COL26A1: variants seen among roughly 807,000 people sequenced by gnomAD.
COL26A1 encodes the protein collagen type XXVI alpha 1 chain, also known as collagen alpha-1(XXVI) chain.
Under a neutral mutation model 59.3 loss-of-function variants are expected in COL26A1, and 41 were observed. That is an observed-to-expected ratio of 0.69 (90% confidence interval 0.54 to 0.90). COL26A1 has a LOEUF of 0.90. COL26A1 is among the 40% of genes least tolerant of loss of function. COL26A1 has a pLI of 0.00. For missense variants in COL26A1, 612 were observed against 602.3 expected, an observed-to-expected ratio of 1.02 and a Z score of -0.17; for synonymous variants, 266 against 256.0, an observed-to-expected ratio of 1.04 and a Z score of -0.37.
intron 2 of COL26A1, among the ~76,000 whole-genome samples, chr7:101,435,778 G>A (rs1792900504): frequency 6.6e-6 from 1 of 152,116 alleles, no homozygotes; most frequent in Non-Finnish European, 1.5e-5. Context: ...TGTCTCCCAG[G>A]CCCCTCGGAG....
At chr7:101,397,752 G>A (rs1428215179) in intron 1 of COL26A1, among the ~76,000 whole-genome samples, 1 of 152,066 alleles carries the variant, frequency 6.6e-6, no homozygotes, top group African/African-American at 2.4e-5. Flanking sequence ...TGCCCAGGCT[G>A]GTCTCGAACT....
At chr7:101,549,435 G>T (rs1795814521) in intron 9 of COL26A1, among the ~76,000 whole-genome samples, 1 of 152,160 alleles carries the variant, frequency 6.6e-6, no homozygotes, top group South Asian at 2.1e-4. Context: ...AGGCTGGAGT[G>T]CAGTGGCGCC....
At chr7:101,387,229 TGAG>T (rs1791599068) in intron 1 of COL26A1, among the ~76,000 whole-genome samples, 1 of 151,818 alleles carries the variant, frequency 6.6e-6, no homozygotes, top group Admixed American at 6.6e-5. Flanking sequence ...CCAAGAATTA[TGAG>T]AAGAGTTGGG....
chr7:101,435,136 C>A (rs1792885009), intron 2 of COL26A1, among the ~76,000 whole-genome samples: 1 of 152,068 alleles, frequency 6.6e-6, no homozygotes, highest in Non-Finnish European at 1.5e-5. Flanking sequence ...ACCAGCCTGG[C>A]CAACATAGTG....
Position 101,448,997 on chromosome 7 carries a change from G to A in COL26A1, c.385+1210G>A, listed in dbSNP as rs370150121. 7.9e-5 allele frequency among the ~76,000 whole-genome samples: 12 copies of A among 152,352 alleles called. No individual in the cohort carries two copies. The East Asian group carries it at 2.3e-3, about 29-fold the overall frequency. The stretch of plus-strand genomic sequence containing the variant: ...GAGACTCTGACAATTGCTTCAGGGG[G>A]CCTCTGGCCCACAGCAGAGCTGAAG... On this transcript the variant is annotated intron_variant, in intron 3 of 12. Transcript: ENST00000313669.
intron 3 of COL26A1, among the ~76,000 whole-genome samples, chr7:101,463,869 T>TTTTCTTTTCTTTC (rs1554416085): frequency 2.2e-5 from 2 of 91,732 alleles, no homozygotes; most frequent in East Asian, 6.0e-4. Context: ...CTCTTTTTTC[T>TTTTCTTTTCTTTC]TTTCTTTCTT....
intron 1 of COL26A1, among the ~76,000 whole-genome samples, chr7:101,374,742 A>G (rs1791269855): frequency 6.6e-6 from 1 of 152,168 alleles, no homozygotes; most frequent in African/African-American, 2.4e-5. Context: ...ATTATATATT[A>G]CAATGTCATA....
chr7:101,452,529 A>C (rs902987750), intron 3 of COL26A1, among the ~76,000 whole-genome samples: 2 of 152,182 alleles, frequency 1.3e-5, no homozygotes, highest in African/African-American at 4.8e-5. Context: ...TGAGAAATGC[A>C]TCATTGGAAG....
At chr7:101,534,107 TATCTACAAAG>T (rs2130642082) in intron 4 of COL26A1, among the ~76,000 whole-genome samples, 1 of 152,210 alleles carries the variant, frequency 6.6e-6, no homozygotes, top group East Asian at 1.9e-4. Flanking sequence ...AGCCTCCAAA[TATCTACAAAG>T]CCTCTTGGGA....
At chr7:101,403,044 G>C (rs6969765) in intron 1 of COL26A1, among the ~76,000 whole-genome samples, 30,924 of 151,632 alleles carry the variant, frequency 0.2, 3,384 homozygotes, top group Non-Finnish European at 0.24. Context: ...GGGTCTCGCT[G>C]TATTGCCCAG....
intron 3 of COL26A1, among the ~76,000 whole-genome samples, chr7:101,483,228 C>T (rs1197062419): frequency 3.3e-5 from 5 of 150,696 alleles, no homozygotes; most frequent in African/African-American, 4.9e-5. Context: ...GACAGAGTCT[C>T]GCTCTGTCAC....
At chr7:101,461,119 G>A (rs932737099) in intron 3 of COL26A1, among the ~76,000 whole-genome samples, 23 of 152,176 alleles carry the variant, frequency 1.5e-4, no homozygotes, top group South Asian at 1.2e-3. Context: ...GGGACCACAG[G>A]TGCACCACAC....
intron 3 of COL26A1, among the ~76,000 whole-genome samples, chr7:101,481,450 AT>A (rs1377717043): frequency 5.0e-3 from 302 of 60,982 alleles, no homozygotes; most frequent in Non-Finnish European, 0.011. Context: ...CTCCCAAAAT[AT>A]ATATATATAT....
At chr7:101,525,686 CG>C (rs1447455071) in intron 3 of COL26A1, among the ~76,000 whole-genome samples, 1 of 151,520 alleles carries the variant, frequency 6.6e-6, no homozygotes, top group Admixed American at 6.6e-5. Context: ...TTAGTAGAGA[CG>C]GGGTTTCACT....
intron 2 of COL26A1, among the ~76,000 whole-genome samples, chr7:101,434,897 G>T (rs937343377): frequency 7.0e-5 from 5 of 71,446 alleles, no homozygotes; most frequent in African/African-American, 6.6e-4. Flanking sequence ...GGTTGATGCG[G>T]GGAGGACATG....
intron 1 of COL26A1, among the ~76,000 whole-genome samples, chr7:101,386,152 TC>T: frequency 6.6e-6 from 1 of 152,146 alleles, no homozygotes; most frequent in South Asian, 2.1e-4. Context: ...AGAGAAAAGT[TC>T]TAGAGAGGGG....
intron 1 of COL26A1, among the ~76,000 whole-genome samples, chr7:101,416,362 T>G (rs367945029): frequency 7.0e-6 from 1 of 143,676 alleles, no homozygotes; most frequent in East Asian, 1.9e-4. Flanking sequence ...ACTACACTCC[T>G]GACCTCAAGT....
chr7:101,413,726 AT>A (rs1792302464), intron 1 of COL26A1, among the ~76,000 whole-genome samples: 1 of 152,108 alleles, frequency 6.6e-6, no homozygotes, highest in African/African-American at 2.4e-5. Context: ...CCCAGAGATA[AT>A]GCCAGTCCCT....
chr7:101,387,984 G>A (rs1170720574), intron 1 of COL26A1, among the ~76,000 whole-genome samples: 2 of 150,330 alleles, frequency 1.3e-5, no homozygotes, highest in African/African-American at 2.4e-5. Context: ...GCCAAGTATC[G>A]GACTCCCAGC....
Sources: allele counts gnomAD v4.1 joint callset (sites outside exome capture counted in the v4.1 genomes callset), GRCh38; gene constraint gnomAD v4.1.1; transcripts MANE v1.5; gene names NCBI Gene and HGNC (gene_info 2026-07-23, HGNC 2026-07-21).